The following TMEM63A variants were observed in gnomAD, a reference collection of about 807,000 sequenced individuals.
TMEM63A encodes the protein mechanosensitive cation channel TMEM63A.
TMEM63A carries 76 observed loss-of-function variants against 100.6 expected under a neutral mutation model. The ratio of observed to expected loss-of-function variants is 0.76; its 90% CI spans 0.63 to 0.91. The LOEUF (loss-of-function observed/expected upper bound fraction) is 0.91, where lower values mean the gene tolerates loss of function less well. Ranked by LOEUF, TMEM63A falls within the 40% of genes least tolerant of loss-of-function variation. The pLI, the probability that TMEM63A is intolerant of heterozygous loss-of-function variation, is 0.00. For synonymous variants in TMEM63A, 401 were observed against 401.1 expected (o/e 1.00, Z 0.00); for missense variants, 876 against 1,008.8 (o/e 0.87, Z 1.78).
chr1:225,874,585 G>A (rs569680657), intron 3 of TMEM63A, among the ~76,000 whole-genome samples: 2 of 152,206 alleles, frequency 1.3e-5, no homozygotes, highest in Non-Finnish European at 2.9e-5. Flanking sequence ...CTGTGCCCAC[G>A]CCACCAAGGC....
At chr1:225,848,381 T>C (rs775245261) in intron 23 of TMEM63A, 111 bp downstream of exon 23, 8 of 1,162,868 alleles carry the variant, frequency 6.9e-6, no homozygotes, top group Non-Finnish European at 8.6e-6. Flanking sequence ...GCCTGCCATG[T>C]GATCTTAGCA....
chr1:225,868,231 G>A (rs1262679277), intron 6 of TMEM63A, among the ~76,000 whole-genome samples: 2 of 152,126 alleles, frequency 1.3e-5, no homozygotes, highest in African/African-American at 2.4e-5. Flanking sequence ...TCCAGAGCCC[G>A]TCTTAGCCCC....
chr1:225,866,416 A>G, intron 9 of TMEM63A, 158 bp downstream of exon 9: 1 of 620,244 alleles, frequency 1.6e-6, no homozygotes, highest in Non-Finnish European at 2.8e-6. Flanking sequence ...TTTTTTAAAG[A>G]TGGTGCCAAG....
chr1:225,877,211 G>A (rs573920728), intron 3 of TMEM63A, among the ~76,000 whole-genome samples, 184 bp downstream of exon 3: 12 of 152,264 alleles, frequency 7.9e-5, no homozygotes, highest in East Asian at 1.9e-4. Flanking sequence ...CTCCATTTCC[G>A]GAGCAGAAAG....
rs1168928752 is a variant in TMEM63A at position 225,867,668 on chromosome 1, CTATT to C, written c.514+216_514+219del. ...TGTAAATCTTGGGGGGCTTTTTTCC[CTATT>C]TAAATAGAACCAGACATTGATATTG... is the stretch of plus-strand genomic sequence containing the variant. On this transcript the variant is annotated intron_variant, in intron 7 of 24. Transcript: ENST00000366835. This position sits in a 1 kb window ranked among gnomAD's most constrained non-coding sequence, Gnocchi z 4.6. Among the ~76,000 whole-genome samples the C allele has an allele frequency of 6.6e-6, 1 of 152,126 alleles. No homozygotes were observed. The highest frequency in any genetic ancestry group is 2.4e-5 in the African/African-American group (1 of 41,416).
chr1:225,880,434 G>A (rs1671033231), intron 1 of TMEM63A, among the ~76,000 whole-genome samples: 1 of 152,168 alleles, frequency 6.6e-6, no homozygotes, highest in African/African-American at 2.4e-5. Context: ...AGGCTGAGGA[G>A]AAGGCAGGGG....
At chr1:225,845,169 G>C, downstream of TMEM63A, 1 of 1,614,150 alleles carries the variant, frequency 6.2e-7, no homozygotes, top group South Asian at 1.1e-5. Flanking sequence ...GTGCCCACTG[G>C]CTTCTCTGCC....
chr1:225,874,536 C>T (rs904394666), intron 3 of TMEM63A, among the ~76,000 whole-genome samples, 169 bp from the exon 4 acceptor site: 10 of 152,230 alleles, frequency 6.6e-5, no homozygotes, highest in Admixed American at 6.5e-5. Context: ...CTCAGTAGCC[C>T]GGATGCTTTG....
chr1:225,865,253 C>CG lies in TMEM63A; in HGVS notation c.746+643dup, dbSNP rs2102626813. On this transcript the variant is annotated intron_variant, in intron 10 of 24. Transcript: ENST00000366835. The surrounding 1 kb of genome is among the most constrained non-coding windows in gnomAD (Gnocchi z 4.6). ...CTTGCCCTGCCCCCCTGCACCCCAC[C>CG]GCCACCTTTCCTGATGCTCTGGGCC... The CG allele has an allele frequency of 1.3e-5, 2 of 152,560 alleles. No homozygotes were observed. The highest frequency in any genetic ancestry group is 4.8e-5 in the African/African-American group (2 of 41,568). The allele number at this position is 152,560 out of a possible 1,614,324, so 9.5% of individuals were successfully genotyped here. A position where few individuals can be genotyped will look rare whatever the true frequency, so the allele number is the denominator to read the frequency against.
At chr1:225,841,021 CCT>C, downstream of TMEM63A, 1 of 152,302 alleles carries the variant, frequency 6.6e-6, no homozygotes, top group South Asian at 2.1e-4. Flanking sequence ...CCCCACATCC[CCT>C]CTCCTTCAAA....
chr1:225,858,994 G>A (rs1158669198), intron 15 of TMEM63A, among the ~76,000 whole-genome samples: 1 of 108,684 alleles, frequency 9.2e-6, no homozygotes, highest in African/African-American at 3.5e-5. Flanking sequence ...GTGTGTGTGT[G>A]TGTATGGCAT....
chr1:225,852,865 G>C, intron 19 of TMEM63A, 96 bp from the exon 20 acceptor site: 1 of 1,125,384 alleles, frequency 8.9e-7, no homozygotes, highest in Non-Finnish European at 1.3e-6. Flanking sequence ...GGGTGGAGGA[G>C]GACTTTGGAA....
intron 20 of TMEM63A, among the ~76,000 whole-genome samples, chr1:225,851,589 TG>T (rs1377634909): frequency 1.8e-4 from 27 of 152,194 alleles, no homozygotes; most frequent in Non-Finnish European, 3.7e-4. Flanking sequence ...AGGTTGTTCT[TG>T]AACTTTTGAC....
At position 225,867,446 on chromosome 1, in the gene TMEM63A, C is replaced by T. The variant is rs116019236; in HGVS notation, c.515-283G>A. On this transcript the variant is annotated intron_variant, in intron 7 of 24. Transcript: ENST00000366835. The surrounding 1 kb of genome is among the most constrained non-coding windows in gnomAD (Gnocchi z 4.6). ...ACATCCTATGTTGTTACAAAACCAA[C>T]GTTGGGAACCACTGGGTATCCTAAG... Among the ~76,000 whole-genome samples, 117 of 152,298 alleles carry T rather than the reference C, an allele frequency of 7.7e-4. No individual in the cohort carries two copies. The highest frequency in any genetic ancestry group is 2.3e-3 in the African/African-American group (96 of 41,560).
At chr1:225,874,100 C>G (rs1670654201) in intron 4 of TMEM63A, among the ~76,000 whole-genome samples, 188 bp downstream of exon 4, 1 of 152,196 alleles carries the variant, frequency 6.6e-6, no homozygotes, top group Non-Finnish European at 1.5e-5. Flanking sequence ...TGAACACAAT[C>G]TCATAGCAGT....
intron 13 of TMEM63A, chr1:225,861,716 G>A (rs1669947353): frequency 5.9e-6 from 1 of 170,624 alleles, no homozygotes; most frequent in Admixed American, 5.5e-5. Context: ...CCCATGCCAA[G>A]GGCCACTGTG....
intron 16 of TMEM63A, 57 bp from the exon 17 acceptor site, chr1:225,856,795 G>A (rs199522596): frequency 1.1e-5 from 17 of 1,591,460 alleles, no homozygotes; most frequent in Non-Finnish European, 1.5e-5. Flanking sequence ...TGTGCCCCCA[G>A]TGAGGCCCCT....
At chr1:225,859,112 A>C (rs1377791101) in intron 15 of TMEM63A, 84 bp downstream of exon 15, 5 of 1,586,674 alleles carry the variant, frequency 3.2e-6, no homozygotes, top group Admixed American at 1.7e-5. Context: ...CACACACCCC[A>C]CTCCTGTCCC....
In TMEM63A at chr1:225,850,068, T is replaced by A; in HGVS notation, c.1915A>T (p.Ile639Phe). ...CGGTCCACCATGTGCTTGAGCAGGA[T>A]GTAGATGAGGCCTGCAGGGGATGGG... ...PIIAPFGLIY[I>F]LLKHMVDRHN... Residue 639 changes from isoleucine to phenylalanine, a missense_variant, in exon 21 of 25, where the codon ATC (isoleucine) becomes TTC (phenylalanine). Around this residue, in one of 5 missense-constraint regions of TMEM63A, gnomAD observed 339 missense variants for 342.3 expected, o/e 0.99. Transcript: ENST00000366835. The A allele has an allele frequency of 6.2e-7, 1 of 1,614,130 alleles. No homozygotes were observed. Among genetic ancestry groups the A allele is most frequent in the Non-Finnish European group, 8.5e-7 (1 of 1,180,028 alleles).
Sources: allele counts gnomAD v4.1 joint callset (sites outside exome capture counted in the v4.1 genomes callset), GRCh38; gene constraint gnomAD v4.1.1; regional missense constraint gnomAD v4.1.1; non-coding constraint Gnocchi (gnomAD v3.1); transcripts MANE v1.5; gene names NCBI Gene and HGNC (gene_info 2026-07-23, HGNC 2026-07-21).